The following TRPC4 variants were observed in gnomAD, a reference collection of about 807,000 sequenced individuals.
TRPC4 encodes short transient receptor potential channel 4.
Under a neutral mutation model 99.4 loss-of-function variants are expected in TRPC4, and 49 were observed. The observed-to-expected ratio is 0.49, with a 90% CI of 0.39 to 0.63. TRPC4 has a LOEUF of 0.63. TRPC4 is among the 20% of genes least tolerant of loss of function. TRPC4 has a pLI of 0.00. For synonymous variants in TRPC4, 454 were observed against 425.9 expected (o/e 1.07, Z -0.81); for missense variants, 898 against 1,152.9 (o/e 0.78, Z 3.20).
At chr13:37,720,135 G>C (rs755711323) in intron 3 of TRPC4, among the ~76,000 whole-genome samples, 7 of 151,986 alleles carry the variant, frequency 4.6e-5, no homozygotes, top group Non-Finnish European at 1.0e-4. Flanking sequence ...CTTCCAGAAG[G>C]AATGCAACCA....
chr13:37,782,738 A>AT (rs1162803296), intron 2 of TRPC4, among the ~76,000 whole-genome samples: 1 of 152,072 alleles, frequency 6.6e-6, no homozygotes, highest in South Asian at 2.1e-4. Flanking sequence ...ATTACTTATG[A>AT]TTTTCCAGGG....
intron 1 of TRPC4, among the ~76,000 whole-genome samples, chr13:37,824,631 C>T (rs367913341): frequency 0.025 from 3,738 of 151,772 alleles, 94 homozygotes; most frequent in African/African-American, 0.069. Flanking sequence ...GCCCACTTGA[C>T]CATGGTGGAT....
intron 3 of TRPC4, among the ~76,000 whole-genome samples, chr13:37,722,574 A>C (rs1265860990): frequency 6.6e-6 from 1 of 152,208 alleles, no homozygotes; most frequent in Admixed American, 6.5e-5. Flanking sequence ...TTTAACTCTC[A>C]GGGCCATCAA....
chr13:37,859,317 C>T (rs1017610413), intron 1 of TRPC4, among the ~76,000 whole-genome samples: 4 of 151,182 alleles, frequency 2.6e-5, no homozygotes, highest in Middle Eastern at 3.4e-3. Flanking sequence ...AAATGAAGGT[C>T]AAAGCTATAT....
At chr13:37,728,506 T>A (rs756376363) in intron 3 of TRPC4, among the ~76,000 whole-genome samples, 1 of 151,956 alleles carries the variant, frequency 6.6e-6, no homozygotes, top group Non-Finnish European at 1.5e-5. Context: ...ATGAAAACTA[T>A]GAAACATTGG....
intron 4 of TRPC4, among the ~76,000 whole-genome samples, chr13:37,676,797 T>G (rs1395627774): frequency 2.0e-5 from 2 of 101,862 alleles, no homozygotes; most frequent in African/African-American, 7.5e-5. Flanking sequence ...CTGAGACGAT[T>G]TATTCCTGTC....
intron 4 of TRPC4, among the ~76,000 whole-genome samples, chr13:37,676,052 T>C (rs1026984149): frequency 6.6e-6 from 1 of 152,126 alleles, no homozygotes; most frequent in African/African-American, 2.4e-5. Context: ...TCCTGACTTA[T>C]TGCCTCAAAC....
At chr13:37,790,935 G>C (rs1221618797) in intron 1 of TRPC4, among the ~76,000 whole-genome samples, 5 of 152,092 alleles carry the variant, frequency 3.3e-5, no homozygotes, top group African/African-American at 9.7e-5. Context: ...ATAATATAAA[G>C]AGGTATTGCT....
At chr13:37,780,212 A>C (rs116946944) in intron 2 of TRPC4, among the ~76,000 whole-genome samples, 3,741 of 152,256 alleles carry the variant, frequency 0.025, 62 homozygotes, top group Non-Finnish European at 0.038. Flanking sequence ...TTTCCAGAGA[A>C]ATAAGTTAAT....
chr13:37,656,197 G>T (rs1952230218), intron 6 of TRPC4, among the ~76,000 whole-genome samples: 1 of 152,082 alleles, frequency 6.6e-6, no homozygotes, highest in East Asian at 1.9e-4. Flanking sequence ...CTCAAATGGA[G>T]AATTGTTTGT....
In TRPC4 at chr13:37,636,975, G is replaced by T. The variant is rs1227504395; in HGVS notation, c.2862C>A (p.Asp954Glu). 6.2e-6 allele frequency: 10 copies of T among 1,613,586 alleles called. No homozygotes were observed. In the African/African-American group the frequency reaches 1.2e-4, roughly 19 times the overall value. The change falls in exon 11 of 11, where the codon GAC (aspartate) becomes GAA (glutamate). Residue 954 changes from aspartate to glutamate, a missense_variant. Around this residue, in one of 3 missense-constraint regions of TRPC4, gnomAD observed 346 missense variants for 351.4 expected, o/e 0.98. Transcript: ENST00000379705. ...GGTTTAGATCATAGTCTATACTAGA[G>T]TCCTCTTCTTTTGCATGTTTCTCCT... The part of the protein sequence containing the change: ...IPKEKHAKEE[D>E]SSIDYDLNLP...
rs529213115 is a variant in TRPC4 at position 37,802,807 on chromosome 13, C to A, written c.-27-19447G>T. Among the ~76,000 whole-genome samples, 16 of 152,020 alleles carry A rather than the reference C, an allele frequency of 1.1e-4. No individual in the cohort carries two copies. The East Asian group carries it at 2.9e-3, about 28-fold the overall frequency. ...ATGTTTTGGGAAGATATAAATAGTC[C>A]TTTTTCTCCTTACAGTTTTGCCCAC... is the stretch of plus-strand genomic sequence containing the variant. On this transcript the variant is annotated intron_variant, in intron 1 of 10. Coordinates refer to ENST00000379705, the MANE Select transcript of TRPC4 (RefSeq NM_016179.4).
chr13:37,813,884 G>GA (rs1957770353), intron 1 of TRPC4, among the ~76,000 whole-genome samples: 1 of 150,978 alleles, frequency 6.6e-6, no homozygotes, highest in Non-Finnish European at 1.5e-5. Flanking sequence ...GACATTACAA[G>GA]AAAAATCTAC....
chr13:37,835,293 G>A (rs918768194), intron 1 of TRPC4, among the ~76,000 whole-genome samples: 14 of 151,968 alleles, frequency 9.2e-5, no homozygotes, highest in Admixed American at 2.6e-4. Context: ...TTCTGAGGGC[G>A]TTCATTGTAA....
intron 8 of TRPC4, among the ~76,000 whole-genome samples, chr13:37,649,349 A>T (rs1020566111): frequency 6.6e-6 from 1 of 152,126 alleles, no homozygotes; most frequent in Non-Finnish European, 1.5e-5. Flanking sequence ...TGGTGCCCTC[A>T]AAGATGGAAC....
chr13:37,738,500 A>T (rs554253620), intron 3 of TRPC4, among the ~76,000 whole-genome samples: 2 of 152,314 alleles, frequency 1.3e-5, no homozygotes, highest in East Asian at 3.9e-4. Flanking sequence ...TTGATTGCAC[A>T]TTAGAATTTT....
chr13:37,815,041 G>T (rs1401430926), intron 1 of TRPC4, among the ~76,000 whole-genome samples: 1 of 151,660 alleles, frequency 6.6e-6, no homozygotes, highest in Admixed American at 6.6e-5. Context: ...ATGATCAGTT[G>T]ATTTTTTTTA....
At chr13:37,688,312 C>G (rs919137220) in intron 4 of TRPC4, among the ~76,000 whole-genome samples, 1 of 152,098 alleles carries the variant, frequency 6.6e-6, no homozygotes, top group Non-Finnish European at 1.5e-5. Context: ...TGTTGAACTT[C>G]AACAAGAAAG....
chr13:37,748,253 A>G (rs969728678), intron 2 of TRPC4, among the ~76,000 whole-genome samples: 2 of 152,156 alleles, frequency 1.3e-5, no homozygotes, highest in Non-Finnish European at 2.9e-5. Flanking sequence ...ATGAGGGAAG[A>G]CAAAACAATG....
Sources: gnomAD v4.1 joint callset for allele counts (sites outside exome capture counted in the v4.1 genomes callset) on GRCh38, gnomAD v4.1.1 for gene constraint, gnomAD v4.1.1 regional missense constraint, MANE v1.5 for transcripts, NCBI Gene and HGNC (gene_info 2026-07-23, HGNC 2026-07-21) for gene names.